The following GAB2 variants were observed in gnomAD, a reference collection of about 807,000 sequenced individuals.
GAB2 encodes the protein GRB2-associated-binding protein 2.
In GAB2, 26 loss-of-function variants were observed where a neutral mutation model predicts 65.5. That is an observed-to-expected ratio of 0.40 (90% confidence interval 0.29 to 0.55). The LOEUF is 0.55. Among genes scored for constraint, GAB2 ranks in the 20% least tolerant of loss-of-function variants. GAB2 has a pLI of 0.53. For missense variants in GAB2, 884 were observed against 875.8 expected, an observed-to-expected ratio of 1.01 and a Z score of -0.12; for synonymous variants, 321 against 329.6, an observed-to-expected ratio of 0.97 and a Z score of 0.28.
chr11:78,222,519 T>C (rs912332810), intron 6 of GAB2, among the ~76,000 whole-genome samples: 1 of 148,394 alleles, frequency 6.7e-6, no homozygotes, highest in Non-Finnish European at 1.5e-5. Context: ...AGACTATATA[T>C]AAAATATATT....
intron 1 of GAB2, among the ~76,000 whole-genome samples, chr11:78,320,263 T>C (rs1855697846): frequency 6.6e-6 from 1 of 152,158 alleles, no homozygotes; most frequent in Non-Finnish European, 1.5e-5. Flanking sequence ...ATTTGAGCTC[T>C]TTGGCTCAAG....
chr11:78,357,251 G>T lies in GAB2; in HGVS notation c.75+60395C>A, dbSNP rs149802263. On this transcript the variant is annotated intron_variant, in intron 1 of 9. Transcript: ENST00000361507. ...CATTTTTTGCCCTGAGGTTATTTAT[G>T]TAACAAACACTAGTGACAATTGTGA... Among the ~76,000 whole-genome samples the T allele has an allele frequency of 1.4e-4, 22 of 152,310 alleles. No homozygotes were observed. The East Asian group carries it at 4.0e-3, about 28-fold the overall frequency.
At chr11:78,300,678 T>C (rs1007401505) in intron 1 of GAB2, among the ~76,000 whole-genome samples, 1 of 142,608 alleles carries the variant, frequency 7.0e-6, no homozygotes, top group African/African-American at 2.8e-5. Flanking sequence ...TGTGGTTTTT[T>C]TTTTTGGTTT....
chr11:78,215,789 A>C lies in GAB2; in HGVS notation c.*3483T>G, dbSNP rs1864105686. 6.6e-6 allele frequency: 1 copy of C among 152,630 alleles called. No homozygotes were observed. The highest frequency in any genetic ancestry group is 1.9e-4 in the East Asian group (1 of 5,186). 9.5% of individuals were successfully genotyped at this position (152,630 alleles called of 1,614,324 possible). On this transcript the variant is annotated 3_prime_UTR_variant, in exon 10 of 10. Transcript: ENST00000361507. ...AGACGACCCCCCACGGAAGGGCTTTAGCGCTCCTGAGACCAGTCTGGCTTC... is the reference window on the plus strand; with the variant it reads ...AGACGACCCCCCACGGAAGGGCTTTCGCGCTCCTGAGACCAGTCTGGCTTC...
At chr11:78,260,591 C>T (rs772583846) in intron 2 of GAB2, among the ~76,000 whole-genome samples, 3 of 152,086 alleles carry the variant, frequency 2.0e-5, no homozygotes, top group Non-Finnish European at 4.4e-5. Flanking sequence ...CCTGCCTCAG[C>T]CTCCCGAGTA....
chr11:78,350,327 C>G (rs1410320764), intron 1 of GAB2, among the ~76,000 whole-genome samples: 1 of 152,204 alleles, frequency 6.6e-6, no homozygotes, highest in Non-Finnish European at 1.5e-5. Context: ...GGGATTAACT[C>G]TAATCATCCG....
intron 1 of GAB2, among the ~76,000 whole-genome samples, chr11:78,323,841 AG>A (rs1327174503): frequency 1.7e-5 from 2 of 115,792 alleles, no homozygotes; most frequent in Non-Finnish European, 3.3e-5. Context: ...TCTGTTGCCC[AG>A]GCTGGAGGGC....
intron 1 of GAB2, among the ~76,000 whole-genome samples, chr11:78,285,653 G>C (rs1384253811): frequency 6.6e-6 from 1 of 152,114 alleles, no homozygotes; most frequent in East Asian, 1.9e-4. Flanking sequence ...TTTTAGTAGA[G>C]ACGGGGTTTC....
intron 3 of GAB2, among the ~76,000 whole-genome samples, chr11:78,235,234 G>A (rs1019898347): frequency 1.3e-5 from 2 of 151,768 alleles, no homozygotes; most frequent in Non-Finnish European, 2.9e-5. Context: ...CTCACTGCAA[G>A]CTCCGCCTCC....
chr11:78,331,056 T>A (rs1402805145), intron 1 of GAB2, among the ~76,000 whole-genome samples: 3 of 151,772 alleles, frequency 2.0e-5, no homozygotes, highest in African/African-American at 7.3e-5. Flanking sequence ...GCACCTGTAA[T>A]CCCAGCTACT....
intron 1 of GAB2, among the ~76,000 whole-genome samples, chr11:78,376,883 G>A (rs1856637403): frequency 6.6e-6 from 1 of 152,186 alleles, no homozygotes; most frequent in Admixed American, 6.5e-5. Flanking sequence ...ACGGGAGGTG[G>A]GGCTTGGTGG....
chr11:78,309,971 T>TGCGTGCGCGC (rs1855460158), intron 1 of GAB2, among the ~76,000 whole-genome samples: 1 of 120,090 alleles, frequency 8.3e-6, no homozygotes, highest in African/African-American at 3.6e-5. Context: ...TGTGTGTGTG[T>TGCGTGCGCGC]GCGCGCGCGC....
At chr11:78,269,416 C>T (rs745321633) in intron 2 of GAB2, among the ~76,000 whole-genome samples, 1 of 152,206 alleles carries the variant, frequency 6.6e-6, no homozygotes, top group Non-Finnish European at 1.5e-5. Flanking sequence ...GGCTCTCTGT[C>T]TCTCTTTTCA....
At chr11:78,289,617 A>T (rs1204099051) in intron 1 of GAB2, among the ~76,000 whole-genome samples, 2 of 152,152 alleles carry the variant, frequency 1.3e-5, no homozygotes, top group African/African-American at 4.8e-5. Flanking sequence ...CCCTAAAACT[A>T]GAAGATTTTT....
chr11:78,349,670 G>A (rs1364052865), intron 1 of GAB2, among the ~76,000 whole-genome samples: 7 of 151,998 alleles, frequency 4.6e-5, no homozygotes, highest in African/African-American at 1.7e-4. Flanking sequence ...AAGTCAGGGA[G>A]TTTTTTTTCT....
chr11:78,228,314 A>G (rs1056153403), intron 3 of GAB2, among the ~76,000 whole-genome samples: 2 of 152,238 alleles, frequency 1.3e-5, no homozygotes, highest in African/African-American at 2.4e-5. Flanking sequence ...ATGATTCTTC[A>G]TAGGATTTCA....
intron 1 of GAB2, among the ~76,000 whole-genome samples, chr11:78,356,609 C>A (rs1856362912): frequency 6.6e-6 from 1 of 152,056 alleles, no homozygotes; most frequent in Non-Finnish European, 1.5e-5. Context: ...AGCCTAGATA[C>A]CATGAATGAC....
chr11:78,378,824 G>T (rs573684459), intron 1 of GAB2, among the ~76,000 whole-genome samples: 1 of 152,224 alleles, frequency 6.6e-6, no homozygotes, highest in South Asian at 2.1e-4. Flanking sequence ...TCATATGGCA[G>T]AATAGAGGCC....
Position 78,417,666 on chromosome 11 carries a change from CG to C in GAB2, c.54del (p.Glu19ArgfsTer4). 7.2e-7 allele frequency: 1 copy of C among 1,389,876 alleles called. No homozygotes were observed. The highest frequency in any genetic ancestry group is 9.5e-7 in the Non-Finnish European group (1 of 1,048,960). 86.1% of individuals were successfully genotyped at this position (1,389,876 alleles called of 1,614,324 possible). Reference protein sequence around the residue: ...VCTGWLRKSPPEKKLRRYAWK... With the variant: ...VCTGWLRKSPXEKKLRRYAWK... ...CTCACATAGCGCCTCAACTTCTTCT[CG>C]GGAGGCGATTTCCTCAGCCAGCCGG... On this transcript the variant is annotated frameshift_variant, in exon 1 of 10. Transcript: ENST00000361507. LOFTEE classifies it high-confidence loss of function.
Sources: allele counts gnomAD v4.1 joint callset (sites outside exome capture counted in the v4.1 genomes callset), GRCh38; gene constraint gnomAD v4.1.1; transcripts MANE v1.5; gene names NCBI Gene and HGNC (gene_info 2026-07-23, HGNC 2026-07-21).